Variants in PKP2 observed in about 807,000 individuals in gnomAD.
PKP2 encodes plakophilin-2.
In PKP2, 73 loss-of-function variants were observed where a neutral mutation model predicts 83.4. The observed-to-expected ratio is 0.88, with a 90% CI of 0.72 to 1.06. The LOEUF (loss-of-function observed/expected upper bound fraction) is 1.06, where lower values mean the gene tolerates loss of function less well. PKP2 is among the 50% of genes least tolerant of loss of function. The pLI is 0.00. For missense variants in PKP2, 966 were observed against 1,065.4 expected (o/e 0.91, Z 1.30); for synonymous variants, 409 against 430.4 (o/e 0.95, Z 0.62).
rs11355324 is a variant in PKP2, at chr12:32,823,610, CTT to C, written c.1674+433_1674+434del. 4.2e-3 allele frequency among the ~76,000 whole-genome samples: 582 copies of C among 138,948 alleles called. 1 individual carries two copies. Among genetic ancestry groups the C allele is most frequent in the East Asian group, 0.017 (78 of 4,702 alleles). 91.2% of individuals were successfully genotyped at this position (138,948 alleles called of 152,430 possible). On this transcript the variant is annotated intron_variant, in intron 7 of 12. Transcript: ENST00000340811. The stretch of plus-strand genomic sequence containing the variant: ...AATAAGGCAATAGGTTTTAATATTT[CTT>C]TTTTTTTTTTTTGAGACAGAGTCTT...
intron 5 of PKP2, among the ~76,000 whole-genome samples, chr12:32,842,423 G>T (rs1313300375): frequency 6.6e-6 from 1 of 150,966 alleles, no homozygotes; most frequent in African/African-American, 2.4e-5. Flanking sequence ...TTGTATTTTC[G>T]GTAGAGACGG....
intron 4 of PKP2, among the ~76,000 whole-genome samples, chr12:32,861,188 C>A (rs558560352): frequency 6.6e-6 from 1 of 152,064 alleles, no homozygotes; most frequent in Admixed American, 6.6e-5. Flanking sequence ...TAAAAACTGC[C>A]AGGCATGCAA....
At chr12:32,873,810 G>T (rs944993716) in intron 3 of PKP2, among the ~76,000 whole-genome samples, 1 of 152,172 alleles carries the variant, frequency 6.6e-6, no homozygotes, top group Non-Finnish European at 1.5e-5. Flanking sequence ...GATTACAGGC[G>T]TGAGCCACCG....
At chr12:32,826,849 CT>C (rs1011860466) in intron 6 of PKP2, among the ~76,000 whole-genome samples, 1 of 152,148 alleles carries the variant, frequency 6.6e-6, no homozygotes, top group Non-Finnish European at 1.5e-5. Context: ...GTTTCCGTTA[CT>C]TTTCCTGGTG....
At chr12:32,865,764 C>G (rs773127020) in intron 4 of PKP2, among the ~76,000 whole-genome samples, 2 of 150,926 alleles carry the variant, frequency 1.3e-5, no homozygotes, top group Admixed American at 6.6e-5. Flanking sequence ...TCCTTTTCAG[C>G]AAAGATACAA....
chr12:32,828,638 A>T (rs1252148773), intron 6 of PKP2, among the ~76,000 whole-genome samples: 1 of 152,186 alleles, frequency 6.6e-6, no homozygotes, highest in African/African-American at 2.4e-5. Context: ...AGGCTCTTCC[A>T]CATAAGGTAG....
intron 10 of PKP2, 133 bp from the exon 11 acceptor site, chr12:32,796,431 G>A (rs1050757790): frequency 1.1e-5 from 9 of 788,718 alleles, no homozygotes; most frequent in Admixed American, 4.5e-5. Context: ...TGCCCAGGCT[G>A]GAGTGCAGTG....
At chr12:32,876,196 G>C (rs1000952210) in intron 3 of PKP2, among the ~76,000 whole-genome samples, 1 of 152,136 alleles carries the variant, frequency 6.6e-6, no homozygotes, top group African/African-American at 2.4e-5. Context: ...ACTCAATATA[G>C]TGTCTGCTTA....
intron 4 of PKP2, among the ~76,000 whole-genome samples, chr12:32,856,870 T>C (rs907434449): frequency 1.3e-5 from 2 of 152,230 alleles, no homozygotes; most frequent in Admixed American, 6.5e-5. Flanking sequence ...TATTGCCTTG[T>C]GGCAGGCAGT....
intron 6 of PKP2, among the ~76,000 whole-genome samples, chr12:32,836,872 C>T (rs61500775): frequency 0.045 from 6,802 of 152,180 alleles, 191 homozygotes; most frequent in African/African-American, 0.079. Flanking sequence ...ATCAATGCTA[C>T]GTGACTGCAG....
chr12:32,858,117 T>A (rs1020667), intron 4 of PKP2, among the ~76,000 whole-genome samples: 152 of 84,106 alleles, frequency 1.8e-3, no homozygotes, highest in African/African-American at 7.2e-3. Flanking sequence ...ATATATATAT[T>A]TATATATATT....
intron 7 of PKP2, among the ~76,000 whole-genome samples, chr12:32,822,952 A>T (rs1956396672): frequency 6.6e-6 from 1 of 152,198 alleles, no homozygotes; most frequent in South Asian, 2.1e-4. Context: ...GATACTGTTT[A>T]TAGGGACCAA....
At chr12:32,872,454 A>G (rs1042252175) in intron 3 of PKP2, among the ~76,000 whole-genome samples, 1 of 152,160 alleles carries the variant, frequency 6.6e-6, no homozygotes, top group Non-Finnish European at 1.5e-5. Flanking sequence ...GAATTGCTTG[A>G]ACCTGGGAGA....
At chr12:32,866,020 G>A (rs1169368325) in intron 4 of PKP2, among the ~76,000 whole-genome samples, 2 of 151,788 alleles carry the variant, frequency 1.3e-5, no homozygotes. Context: ...AAACCATAAA[G>A]GGAAAAAACT....
At chr12:32,831,735 T>C (rs1956503189) in intron 6 of PKP2, among the ~76,000 whole-genome samples, 1 of 152,182 alleles carries the variant, frequency 6.6e-6, no homozygotes, top group Non-Finnish European at 1.5e-5. Context: ...TTCTGTAAAG[T>C]ACAACTTTTA....
chr12:32,853,406 A>AC (rs564794705), intron 4 of PKP2, among the ~76,000 whole-genome samples: 275 of 151,878 alleles, frequency 1.8e-3, no homozygotes, highest in African/African-American at 6.5e-3. Context: ...AAAAAAAAAA[A>AC]AAAAAACCAA....
chr12:32,842,783 T>C (rs1213001839), intron 5 of PKP2, among the ~76,000 whole-genome samples: 1 of 152,020 alleles, frequency 6.6e-6, no homozygotes, highest in Non-Finnish European at 1.5e-5. Context: ...CAAGCAATTC[T>C]CCTGCCTCAG....
intron 9 of PKP2, among the ~76,000 whole-genome samples, chr12:32,810,424 G>T (rs568527394): frequency 6.6e-6 from 1 of 151,900 alleles, no homozygotes. Flanking sequence ...ATTACCAGTC[G>T]ACATAGTTGT....
At chr12:32,848,644 A>C (rs191172477) in intron 5 of PKP2, among the ~76,000 whole-genome samples, 274 of 152,286 alleles carry the variant, frequency 1.8e-3, no homozygotes, top group African/African-American at 6.4e-3. Flanking sequence ...GATGAATAAA[A>C]GAGGGAGGAA....
Sources: gnomAD v4.1 joint callset for allele counts (sites outside exome capture counted in the v4.1 genomes callset) on GRCh38, gnomAD v4.1.1 for gene constraint, MANE v1.5 for transcripts, NCBI Gene and HGNC (gene_info 2026-07-23, HGNC 2026-07-21) for gene names.